ITGA9: variants seen among roughly 807,000 people sequenced by gnomAD.
ITGA9 encodes integrin alpha-9.
Under a neutral mutation model 127.8 loss-of-function variants are expected in ITGA9, and 56 were observed. The observed-to-expected ratio is 0.44, with a 90% CI of 0.35 to 0.55. The LOEUF is 0.55. Among genes scored for constraint, ITGA9 ranks in the 20% least tolerant of loss-of-function variants. The probability of loss-of-function intolerance (pLI) is 0.00; values close to 1 mark genes in which losing one functional copy is unlikely to be tolerated. For missense variants in ITGA9, 1,196 were observed against 1,347.1 expected (o/e 0.89, Z 1.76); for synonymous variants, 508 against 514.5 (o/e 0.99, Z 0.17).
chr3:37,609,846 G>A (rs1318812211), intron 15 of ITGA9, among the ~76,000 whole-genome samples: 1 of 152,180 alleles, frequency 6.6e-6, no homozygotes, highest in African/African-American at 2.4e-5. Flanking sequence ...CTGGGCCTGA[G>A]ACCCCCAGCA....
At chr3:37,460,176 C>T (rs1208992305) in intron 1 of ITGA9, among the ~76,000 whole-genome samples, 1 of 152,204 alleles carries the variant, frequency 6.6e-6, no homozygotes, top group Non-Finnish European at 1.5e-5. Flanking sequence ...GGGAAGGTAG[C>T]CATGGTGGCC....
At chr3:37,808,292 A>G (rs1188968801) in intron 27 of ITGA9, 1 of 152,162 alleles carries the variant, frequency 6.6e-6, no homozygotes, top group Non-Finnish European at 1.5e-5. Flanking sequence ...GCTCTAGTCA[A>G]ATGTCTACTC....
At chr3:37,813,310 T>C (rs1697390903) in intron 27 of ITGA9, among the ~76,000 whole-genome samples, 1 of 152,212 alleles carries the variant, frequency 6.6e-6, no homozygotes, top group Admixed American at 6.5e-5. Flanking sequence ...CGAGGTATGG[T>C]AACTTGGGGA....
Position 37,732,598 on chromosome 3 carries a change from A to G in ITGA9, c.2068-114A>G, listed in dbSNP as rs1016709957. On this transcript the variant is annotated intron_variant, in intron 18 of 27. Transcript: ENST00000264741. The stretch of plus-strand genomic sequence containing the variant: ...CGGCCTGGTCAGGGCATCTCGTCCC[A>G]CTGGTGCCTACCGTCTGAGCACTGC... 4.0e-5 allele frequency: 32 copies of G among 791,216 alleles called. No individual in the cohort carries two copies. In the African/African-American group the frequency reaches 5.3e-4, roughly 13 times the overall value. 49.0% of individuals were successfully genotyped at this position (791,216 alleles called of 1,614,324 possible). A position where few individuals can be genotyped will look rare whatever the true frequency, so the allele number is the denominator to read the frequency against.
intron 8 of ITGA9, among the ~76,000 whole-genome samples, chr3:37,511,896 G>T (rs928556140): frequency 6.6e-6 from 1 of 152,108 alleles, no homozygotes; most frequent in Non-Finnish European, 1.5e-5. Context: ...GAAAAGGCTT[G>T]TTCATGTCCA....
rs779810154 is a variant in ITGA9 at position 37,651,000 on chromosome 3, G to A, written c.1840-2714G>A. 5.3e-5 allele frequency among the ~76,000 whole-genome samples: 8 copies of A among 152,250 alleles called. No homozygotes were observed. In the South Asian group the frequency reaches 1.5e-3, roughly 28 times the overall value. ...TTCTTAATGTAATACAATTAAAATA[G>A]GATTACACTTTGAATTTCCTTATTT... On this transcript the variant is annotated intron_variant, in intron 16 of 27. Transcript: ENST00000264741.
chr3:37,519,275 C>T lies in ITGA9; in HGVS notation c.1157C>T (p.Ala386Val). The T allele has an allele frequency of 6.2e-7, 1 of 1,614,028 alleles. No homozygotes were observed. Among genetic ancestry groups the T allele is most frequent in the Non-Finnish European group, 8.5e-7 (1 of 1,179,928 alleles). Reference sequence around the variant, plus strand: ...TTACCCTCAGATGTGGCCATTGGTGCACCCAAGGAGGATGACTTCGCAGGG... The same window carrying T: ...TTACCCTCAGATGTGGCCATTGGTGTACCCAAGGAGGATGACTTCGCAGGG... ...NDGFPDVAIG[A>V]PKEDDFAGAV... The change falls in exon 11 of 28, where the codon GCA becomes GTA. Residue 386 changes from alanine (A) to valine (V), a missense_variant. Transcript: ENST00000264741.
chr3:37,647,626 C>T (rs1043672535), intron 16 of ITGA9, among the ~76,000 whole-genome samples: 1 of 152,118 alleles, frequency 6.6e-6, no homozygotes, highest in African/African-American at 2.4e-5. Flanking sequence ...CCATTCCCTA[C>T]TCCCTACCCC....
At chr3:37,796,889 A>T (rs1416452226) in intron 26 of ITGA9, among the ~76,000 whole-genome samples, 1 of 152,192 alleles carries the variant, frequency 6.6e-6, no homozygotes, top group Non-Finnish European at 1.5e-5. Context: ...GTAGACAGGA[A>T]GATTTATCAT....
At chr3:37,751,365 A>C (rs1207062722) in intron 23 of ITGA9, among the ~76,000 whole-genome samples, 2 of 152,214 alleles carry the variant, frequency 1.3e-5, no homozygotes, top group Admixed American at 1.3e-4. Flanking sequence ...TGAACAAACC[A>C]CACAGGCTTC....
intron 18 of ITGA9, among the ~76,000 whole-genome samples, chr3:37,696,700 T>C (rs555652109): frequency 3.9e-4 from 59 of 152,384 alleles, no homozygotes; most frequent in East Asian, 5.8e-4. Flanking sequence ...ATAGTTATTA[T>C]TGTCCCGAGT....
intron 7 of ITGA9, among the ~76,000 whole-genome samples, chr3:37,507,728 A>G (rs916257751): frequency 1.3e-5 from 2 of 152,196 alleles, no homozygotes; most frequent in Non-Finnish European, 2.9e-5. Flanking sequence ...GGGCTAGTAC[A>G]GACTTGATTC....
intron 16 of ITGA9, among the ~76,000 whole-genome samples, chr3:37,643,355 G>C (rs1242340126): frequency 6.6e-6 from 1 of 152,234 alleles, no homozygotes; most frequent in East Asian, 1.9e-4. Context: ...TCACTGACCA[G>C]TGGAGAAGTC....
At position 37,780,027 on chromosome 3, in the gene ITGA9, C is replaced by A. The variant is rs774470293; in HGVS notation, c.2787+6C>A. ...ACACAGAAATACTGAAAAAGGTAAGCCCTAATGAACCGCACTTGTGGATGC... is the reference window on the plus strand; with the variant it reads ...ACACAGAAATACTGAAAAAGGTAAGACCTAATGAACCGCACTTGTGGATGC... On this transcript the variant is annotated splice_donor_region_variant and intron_variant, in intron 25 of 27. Coordinates refer to ENST00000264741, the MANE Select transcript of ITGA9 (RefSeq NM_002207.3). 1.2e-6 allele frequency: 2 copies of A among 1,613,710 alleles called. No homozygotes were observed. Among genetic ancestry groups the A allele is most frequent in the Non-Finnish European group, 1.7e-6 (2 of 1,179,860 alleles).
chr3:37,700,496 G>A (rs1009340554), intron 18 of ITGA9, among the ~76,000 whole-genome samples: 1 of 152,074 alleles, frequency 6.6e-6, no homozygotes, highest in Non-Finnish European at 1.5e-5. Flanking sequence ...ATACAGGCAT[G>A]CACCACCACA....
chr3:37,690,243 C>G (rs1395226892), intron 18 of ITGA9, among the ~76,000 whole-genome samples: 1 of 152,056 alleles, frequency 6.6e-6, no homozygotes, highest in Non-Finnish European at 1.5e-5. Flanking sequence ...TAGAAGAGAG[C>G]AAAGGAGGAG....
chr3:37,725,453 A>G (rs1696176353), intron 18 of ITGA9, among the ~76,000 whole-genome samples: 1 of 152,184 alleles, frequency 6.6e-6, no homozygotes, highest in African/African-American at 2.4e-5. Flanking sequence ...TCAAAGCACC[A>G]TGTCATGTTC....
At chr3:37,618,877 A>G (rs1400777949) in intron 15 of ITGA9, among the ~76,000 whole-genome samples, 1 of 152,158 alleles carries the variant, frequency 6.6e-6, no homozygotes, top group Non-Finnish European at 1.5e-5. Flanking sequence ...TTCTTTGACT[A>G]GGAAAGGGAA....
At chr3:37,578,105 T>TG (rs1013204969) in intron 15 of ITGA9, among the ~76,000 whole-genome samples, 6 of 152,272 alleles carry the variant, frequency 3.9e-5, no homozygotes, top group African/African-American at 1.4e-4. Context: ...AGAATTGTTT[T>TG]GGGGGGTGGG....
Sources: gnomAD v4.1 joint callset for allele counts (sites outside exome capture counted in the v4.1 genomes callset) on GRCh38, gnomAD v4.1.1 for gene constraint, MANE v1.5 for transcripts, NCBI Gene and HGNC (gene_info 2026-07-23, HGNC 2026-07-21) for gene names.